Variants in CCDC93 observed in about 807,000 individuals in gnomAD.
CCDC93 encodes CCC complex scaffolding subunit CCDC93.
A neutral mutation model predicts 108.2 loss-of-function variants in CCDC93; 61 were observed. The ratio of observed to expected loss-of-function variants is 0.56; its 90% CI spans 0.46 to 0.70. The LOEUF is 0.70. Ranked by LOEUF, CCDC93 falls within the 30% of genes least tolerant of loss-of-function variation. CCDC93 has a pLI of 0.00. For missense variants in CCDC93, 685 were observed against 764.2 expected (o/e 0.90, Z 1.22); for synonymous variants, 276 against 260.4 (o/e 1.06, Z -0.58).
intron 14 of CCDC93, among the ~76,000 whole-genome samples, chr2:117,948,546 T>C (rs1678947257): frequency 6.6e-6 from 1 of 152,236 alleles, no homozygotes; most frequent in South Asian, 2.1e-4. Flanking sequence ...AAATCCATTC[T>C]GAAAAGGAAA....
At chr2:117,928,957 G>T (rs1243022934) in intron 23 of CCDC93, among the ~76,000 whole-genome samples, 1 of 152,202 alleles carries the variant, frequency 6.6e-6, no homozygotes, top group Non-Finnish European at 1.5e-5. Context: ...CATGTCCTTT[G>T]TAGGGACATG....
At chr2:117,936,277 T>C (rs1346281398) in intron 21 of CCDC93, among the ~76,000 whole-genome samples, 1 of 152,084 alleles carries the variant, frequency 6.6e-6, no homozygotes, top group African/African-American at 2.4e-5. Flanking sequence ...CAGGTGGGCC[T>C]TGACATCTAG....
intron 15 of CCDC93, 22 bp downstream of exon 15, chr2:117,948,083 G>A: frequency 6.3e-7 from 1 of 1,577,220 alleles, no homozygotes; most frequent in Non-Finnish European, 8.7e-7. Context: ...TGGTTTATTT[G>A]CTGACACCAA....
intron 20 of CCDC93, among the ~76,000 whole-genome samples, chr2:117,938,337 A>G (rs1558772714): frequency 6.6e-6 from 1 of 152,190 alleles, no homozygotes; most frequent in South Asian, 2.1e-4. Flanking sequence ...ACATATCTGC[A>G]TACTGTGCTC....
intron 6 of CCDC93, 132 bp from the exon 7 acceptor site, chr2:117,986,201 G>GTCGC (rs1680315193): frequency 5.7e-6 from 3 of 526,160 alleles, no homozygotes; most frequent in African/African-American, 4.6e-5. Flanking sequence ...GTCTCGCTCT[G>GTCGC]TCGCTCAGGC....
chr2:117,923,007 C>CAAA (rs34776554), intron 23 of CCDC93, among the ~76,000 whole-genome samples: 1 of 132,880 alleles, frequency 7.5e-6, no homozygotes, highest in African/African-American at 2.8e-5. Flanking sequence ...GTAATATGTT[C>CAAA]AAAAAAAAAA....
chr2:117,991,550 C>T (rs1006443322), intron 6 of CCDC93, among the ~76,000 whole-genome samples: 3 of 152,164 alleles, frequency 2.0e-5, no homozygotes, highest in African/African-American at 7.2e-5. Context: ...AATTTATCAA[C>T]CTTTCTAAGC....
intron 11 of CCDC93, among the ~76,000 whole-genome samples, chr2:117,969,882 C>G (rs990852141): frequency 6.6e-6 from 1 of 152,154 alleles, no homozygotes; most frequent in Non-Finnish European, 1.5e-5. Context: ...AGCATCGAAC[C>G]CAAAGCAAAG....
At chr2:117,944,845 C>T (rs1233356032) in intron 17 of CCDC93, 1 of 469,490 alleles carries the variant, frequency 2.1e-6, no homozygotes. Context: ...TTAAAGAAGG[C>T]AGATGCTTAC....
intron 15 of CCDC93, 170 bp downstream of exon 15, chr2:117,947,935 C>A (rs1205528845): frequency 5.0e-6 from 3 of 597,532 alleles, no homozygotes; most frequent in African/African-American, 1.9e-5. Flanking sequence ...ACCTCGTGAT[C>A]CGCCTGCCTT....
At chr2:117,945,132 T>C (rs6722310) in intron 17 of CCDC93, among the ~76,000 whole-genome samples, 59,474 of 152,126 alleles carry the variant, frequency 0.39, 12,268 homozygotes, top group East Asian at 0.67. Flanking sequence ...TGCACCTTTA[T>C]AGAAACAGTC....
chr2:117,933,216 G>T (rs17510363), intron 22 of CCDC93, among the ~76,000 whole-genome samples: 8,046 of 152,290 alleles, frequency 0.053, 287 homozygotes, highest in Non-Finnish European at 0.082. Context: ...ACATGAAATG[G>T]TAAGTGAATG....
intron 7 of CCDC93, among the ~76,000 whole-genome samples, chr2:117,985,763 C>A (rs1279642182): frequency 6.6e-6 from 1 of 152,148 alleles, no homozygotes; most frequent in African/African-American, 2.4e-5. Context: ...GAAGGCAGAG[C>A]CAGGTGCACA....
At chr2:118,008,297 CTATT>C (rs1676932312) in intron 2 of CCDC93, among the ~76,000 whole-genome samples, 1 of 152,182 alleles carries the variant, frequency 6.6e-6, no homozygotes, top group African/African-American at 2.4e-5. Context: ...AAAGAAGGAA[CTATT>C]TATTTTGCTT....
intron 1 of CCDC93, 98 bp from the exon 2 acceptor site, chr2:118,008,756 G>T: frequency 1.4e-6 from 1 of 719,020 alleles, no homozygotes; most frequent in Non-Finnish European, 2.4e-6. Context: ...CCAAGGAGTA[G>T]ATGACATTGG....
intron 11 of CCDC93, among the ~76,000 whole-genome samples, chr2:117,963,984 T>C (rs1049259109): frequency 8.5e-5 from 13 of 152,230 alleles, no homozygotes; most frequent in African/African-American, 3.1e-4. Flanking sequence ...GTTGATACCA[T>C]TATCCTTGCA....
chr2:118,006,147 G>T (rs187723165), intron 3 of CCDC93, among the ~76,000 whole-genome samples: 2 of 152,266 alleles, frequency 1.3e-5, no homozygotes, highest in Admixed American at 6.5e-5. Flanking sequence ...TCAGAAAAAT[G>T]AATAAACAGA....
At chr2:117,988,584 T>C (rs1166375866) in intron 6 of CCDC93, among the ~76,000 whole-genome samples, 1 of 152,160 alleles carries the variant, frequency 6.6e-6, no homozygotes. Flanking sequence ...CCATCTTACT[T>C]AGCCTATGTG....
intron 11 of CCDC93, 30 bp from the exon 12 acceptor site, chr2:117,958,511 G>T: frequency 7.7e-7 from 1 of 1,291,448 alleles, no homozygotes; most frequent in Non-Finnish European, 1.1e-6. Flanking sequence ...CAAATCCAAA[G>T]GATTTAGTTA....
Sources: gnomAD v4.1 joint callset for allele counts (sites outside exome capture counted in the v4.1 genomes callset) on GRCh38, gnomAD v4.1.1 for gene constraint, MANE v1.5 for transcripts, NCBI Gene and HGNC (gene_info 2026-07-23, HGNC 2026-07-21) for gene names.